Variants in PRC1 observed in about 807,000 individuals in gnomAD.
PRC1 encodes the protein protein regulator of cytokinesis 1.
A neutral mutation model predicts 91.2 loss-of-function variants in PRC1; 54 were observed. That is an observed-to-expected ratio of 0.59 (90% CI 0.48 to 0.74). The LOEUF is 0.74. Ranked by LOEUF, PRC1 falls within the 30% of genes least tolerant of loss-of-function variation. The pLI is 0.00. For missense variants in PRC1, 727 were observed against 746.2 expected (o/e 0.97, Z 0.30); for synonymous variants, 275 against 263.6 (o/e 1.04, Z -0.42).
chr15:90,981,819 T>G lies in PRC1; in HGVS notation c.430A>C (p.Ser144Arg), dbSNP rs754761543. ...TCTTCTAAGCTGGGCACTGAGGCAC[T>G]GTCAATATCATAGTGGGGCATACAA... is the stretch of plus-strand genomic sequence containing the variant. ...ILCMPHYDID[S>R]ASVPSLEELN... Residue 144 changes from serine (S) to arginine (R), a missense_variant, in exon 4 of 15, where the codon AGT becomes CGT. Coordinates refer to ENST00000394249, the MANE Select transcript of PRC1 (RefSeq NM_003981.4). 6.2e-7 allele frequency: 1 copy of G among 1,614,134 alleles called. No homozygotes were observed. Among genetic ancestry groups the G allele is most frequent in the African/African-American group, 1.3e-5 (1 of 74,950 alleles).
At chr15:90,980,625 T>G in intron 6 of PRC1, 1 of 670,642 alleles carries the variant, frequency 1.5e-6, no homozygotes, top group Admixed American at 3.0e-5. Flanking sequence ...GCTCAAGCGA[T>G]TCTCCTGTCT....
rs369605877 is a variant in PRC1, at chr15:90,974,152, G to A, written c.1445C>T (p.Pro482Leu). 17 of 1,613,774 alleles carry A rather than the reference G, an allele frequency of 1.1e-5. No homozygotes were observed. Among genetic ancestry groups the A allele is most frequent in the Non-Finnish European group, 1.4e-5 (16 of 1,179,798 alleles). ...SKRRGLAPNT[P>L]GKARKLNTTT... is the part of the protein sequence containing the mutation. ...TGTGTTTACCTTACGTGCTTTGCCC[G>A]GTGTATTGGGAGCCAGTCCTCGCCG... The change falls in exon 11 of 15, where the codon CCG becomes CTG. Residue 482 changes from proline (P) to leucine (L), a missense_variant. Transcript: ENST00000394249. This position sits in a 1 kb window ranked among gnomAD's most constrained non-coding sequence, Gnocchi z 4.6.
intron 11 of PRC1, chr15:90,973,148 A>G (rs1195160990): frequency 6.6e-6 from 1 of 152,324 alleles, no homozygotes; most frequent in African/African-American, 2.4e-5. Context: ...GTCTATGTAG[A>G]AAAGGAAGAC....
intron 14 of PRC1, chr15:90,968,707 G>C: frequency 9.1e-7 from 1 of 1,099,990 alleles, no homozygotes; most frequent in Non-Finnish European, 1.1e-6. Flanking sequence ...CAGCACACAG[G>C]CCAAGAGCCT....
chr15:90,969,095 G>C lies in PRC1; in HGVS notation c.1775C>G (p.Ser592Cys). The C allele has an allele frequency of 1.2e-6, 2 of 1,613,942 alleles. No homozygotes were observed. Among genetic ancestry groups the C allele is most frequent in the Middle Eastern group, 1.6e-4 (1 of 6,062 alleles). ...FAKDPSLSDS[S>C]TVGLQRELSK... is the part of the protein sequence containing the mutation. Reference sequence around the variant, plus strand: ...CATACAGACCTGAAGCCCAACAGTGGAACTGTCAGAGAGGGACGGATCCTT... The same window carrying C: ...CATACAGACCTGAAGCCCAACAGTGCAACTGTCAGAGAGGGACGGATCCTT... Residue 592 changes from serine to cysteine, a missense_variant, in exon 14 of 15, where the codon TCC becomes TGC. By Grantham distance (112) the Ser-to-Cys change is moderately radical. Coordinates refer to ENST00000394249, the MANE Select transcript of PRC1 (RefSeq NM_003981.4).
rs1268273042 is a variant in PRC1, at chr15:90,984,520, C to A, written c.144+173G>T. Among the ~76,000 whole-genome samples the A allele has an allele frequency of 6.6e-6, 1 of 152,100 alleles. No individual in the cohort carries two copies. Among genetic ancestry groups the A allele is most frequent in the Non-Finnish European group, 1.5e-5 (1 of 68,012 alleles). The stretch of plus-strand genomic sequence containing the variant: ...CTGGGATTACAGGCATGAGCCACCG[C>A]ACCCAGCCTCCTCAAATTTCAAGAA... On this transcript the variant is annotated intron_variant, in intron 2 of 14. Transcript: ENST00000394249. The surrounding 1 kb of genome is among the most constrained non-coding windows in gnomAD (Gnocchi z 5.1).
At chr15:90,990,440 G>A (rs1382132869) in intron 1 of PRC1, among the ~76,000 whole-genome samples, 2 of 145,036 alleles carry the variant, frequency 1.4e-5, no homozygotes, top group African/African-American at 5.1e-5. Context: ...TGCCCAAGCT[G>A]TTCTTGAACT....
intron 3 of PRC1, among the ~76,000 whole-genome samples, chr15:90,982,952 G>A (rs552580623): frequency 1.3e-5 from 2 of 151,924 alleles, no homozygotes; most frequent in South Asian, 4.2e-4. Context: ...TTTTTTATAG[G>A]ACATATACAT....
In PRC1 at chr15:90,988,511, CTCTCCGAGTCTGTCTGCTAA is replaced by C. The variant is rs1374723056; in HGVS notation, c.12-3706_12-3687del. The C allele has an allele frequency of 2.0e-5, 3 of 152,420 alleles. No individual in the cohort carries two copies. The East Asian group carries it at 5.8e-4, about 29-fold the overall frequency. 9.4% of individuals were successfully genotyped at this position (152,420 alleles called of 1,614,324 possible). On this transcript the variant is annotated intron_variant, in intron 1 of 14. Transcript: ENST00000394249. Reference sequence around the variant, plus strand: ...TCTGTAGAAAGGCCTTCTAAAACCTCTCTCCGAGTCTGTCTGCTAATCTCTCCCACTTGACACTCCCCAGG... The same window carrying C: ...TCTGTAGAAAGGCCTTCTAAAACCTCTCTCTCCCACTTGACACTCCCCAGG...
intron 1 of PRC1, among the ~76,000 whole-genome samples, chr15:90,990,221 A>C (rs534547772): frequency 6.6e-6 from 1 of 151,916 alleles, no homozygotes; most frequent in African/African-American, 2.4e-5. Context: ...CTGTAATCTC[A>C]GCTACTCGGG....
intron 1 of PRC1, among the ~76,000 whole-genome samples, chr15:90,985,383 A>C (rs563768147): frequency 6.6e-6 from 1 of 151,792 alleles, no homozygotes; most frequent in African/African-American, 2.4e-5. Context: ...GGCAGGTGCT[A>C]CCACACCCAG....
At chr15:90,988,951 G>A (rs1173527879) in intron 1 of PRC1, among the ~76,000 whole-genome samples, 2 of 152,148 alleles carry the variant, frequency 1.3e-5, no homozygotes, top group Non-Finnish European at 2.9e-5. Flanking sequence ...AACACATCTA[G>A]AAGGTAAAGT....
chr15:90,984,957 A>G lies in PRC1; in HGVS notation c.12-132T>C. On this transcript the variant is annotated intron_variant, in intron 1 of 14. Transcript: ENST00000394249. This position sits in a 1 kb window ranked among gnomAD's most constrained non-coding sequence, Gnocchi z 5.1. ...AAAAACAAATTGAAAACAAGCATTC[A>G]GCTTAATTCACCTTTAACCACTCCC... The G allele has an allele frequency of 8.8e-7, 1 of 1,139,756 alleles. No homozygotes were observed. Among genetic ancestry groups the G allele is most frequent in the Non-Finnish European group, 1.2e-6 (1 of 808,814 alleles). The allele number at this position is 1,139,756 out of a possible 1,614,324, so 70.6% of individuals were successfully genotyped here.
In PRC1 at chr15:90,974,192, G is replaced by A. The variant is rs758504917; in HGVS notation, c.1405C>T (p.Arg469Ter). ...ETEMLYGSAP[R>*]TPSKRRGLAP... ...AGTCCTCGCCGCTTGCTAGGTGTTC[G>A]AGGAGCGCTGCCATACAGCATCTCT... Residue 469 changes from arginine (R) to a stop codon, truncating the protein, a stop_gained, in exon 11 of 15, where the codon CGA becomes TGA. Transcript: ENST00000394249. LOFTEE classifies it high-confidence loss of function. The surrounding 1 kb of genome is among the most constrained non-coding windows in gnomAD (Gnocchi z 4.6). 16 of 1,614,022 alleles carry A rather than the reference G, an allele frequency of 9.9e-6. No homozygotes were observed. The highest frequency in any genetic ancestry group is 5.3e-5 in the African/African-American group (4 of 74,902).
chr15:90,982,974 G>C (rs2039320033), intron 3 of PRC1, among the ~76,000 whole-genome samples: 1 of 151,760 alleles, frequency 6.6e-6, no homozygotes, highest in South Asian at 2.1e-4. Context: ...TTTCTTAAAT[G>C]TCCTATACAT....
At chr15:90,967,995 A>G (rs1398981078) in intron 14 of PRC1, 2 of 985,074 alleles carry the variant, frequency 2.0e-6, no homozygotes, top group East Asian at 1.1e-4. Flanking sequence ...GCTGGAGCAC[A>G]TGGTAGAGCA....
At chr15:90,973,620 A>G (rs1299128561) in intron 11 of PRC1, among the ~76,000 whole-genome samples, 3 of 152,036 alleles carry the variant, frequency 2.0e-5, no homozygotes, top group African/African-American at 4.8e-5. Context: ...GTACGTACCT[A>G]TGTTCGTTCT....
At position 90,975,386 on chromosome 15, in the gene PRC1, T is replaced by C. The variant is rs56773131; in HGVS notation, c.1204-655A>G. Reference sequence around the variant, plus strand: ...AGTGAGACACCACGCCCGGCCAGATTTACCTAATTTCTTAGTACCTCAGTT... The same window carrying C: ...AGTGAGACACCACGCCCGGCCAGATCTACCTAATTTCTTAGTACCTCAGTT... On this transcript the variant is annotated intron_variant, in intron 9 of 14. Coordinates refer to ENST00000394249, the MANE Select transcript of PRC1 (RefSeq NM_003981.4). 8.5e-3 allele frequency among the ~76,000 whole-genome samples: 1,294 copies of C among 152,290 alleles called. 24 individuals carry two copies. Among genetic ancestry groups the C allele is most frequent in the African/African-American group, 0.03 (1,227 of 41,552 alleles).
intron 12 of PRC1, among the ~76,000 whole-genome samples, chr15:90,969,999 CTGAA>C (rs971166577): frequency 3.3e-5 from 5 of 152,124 alleles, no homozygotes; most frequent in East Asian, 1.9e-4. Context: ...ATTTGAAAGA[CTGAA>C]TGTGTTTTGC....
Sources: gnomAD v4.1 joint callset for allele counts (sites outside exome capture counted in the v4.1 genomes callset) on GRCh38, gnomAD v4.1.1 for gene constraint, Gnocchi (gnomAD v3.1) non-coding constraint, MANE v1.5 for transcripts, NCBI Gene and HGNC (gene_info 2026-07-23, HGNC 2026-07-21) for gene names.